The following ZBTB20 variants were observed in gnomAD, a reference collection of about 807,000 sequenced individuals.
ZBTB20 encodes the protein zinc finger and BTB domain containing 20, also known as zinc finger and BTB domain-containing protein 20.
A neutral mutation model predicts 56.9 loss-of-function variants in ZBTB20; 9 were observed. The observed-to-expected ratio is 0.16, with a 90% CI of 0.10 to 0.28. The LOEUF is 0.28. Among genes scored for constraint, ZBTB20 ranks in the 10% least tolerant of loss-of-function variants. The probability of loss-of-function intolerance (pLI) is 1.00; values close to 1 mark genes in which losing one functional copy is unlikely to be tolerated. For missense variants in ZBTB20, 655 were observed against 1,003.0 expected (o/e 0.65, Z 4.69); for synonymous variants, 417 against 420.7 (o/e 0.99, Z 0.11).
chr3:114,871,851 A>C (rs768986552), intron 4 of ZBTB20, among the ~76,000 whole-genome samples: 5 of 152,142 alleles, frequency 3.3e-5, no homozygotes, highest in Non-Finnish European at 5.9e-5. Flanking sequence ...TATTTTGGAA[A>C]GCTAAGATTA....
chr3:114,845,763 A>G (rs1560314755), intron 4 of ZBTB20, among the ~76,000 whole-genome samples: 8 of 152,188 alleles, frequency 5.3e-5, no homozygotes, highest in Admixed American at 4.6e-4. Context: ...ACCAATGTCA[A>G]TTGTAATTAT....
At chr3:114,547,361 C>A (rs1397513546) in intron 6 of ZBTB20, among the ~76,000 whole-genome samples, 1 of 152,002 alleles carries the variant, frequency 6.6e-6, no homozygotes, top group East Asian at 1.9e-4. Flanking sequence ...AGATAAGGGG[C>A]CACTTGGTCT....
intron 10 of ZBTB20, chr3:114,367,113 C>T (rs533925911): frequency 3.0e-4 from 45 of 152,362 alleles, no homozygotes; most frequent in Admixed American, 2.7e-3. Context: ...TTGCCCTCTT[C>T]GGGTATCCCG....
At chr3:115,078,647 TGA>T in intron 1 of ZBTB20, among the ~76,000 whole-genome samples, 1 of 124,924 alleles carries the variant, frequency 8.0e-6, no homozygotes, top group Non-Finnish European at 1.7e-5. Flanking sequence ...ATATGAAGAG[TGA>T]GAGAGAGAGT....
At chr3:115,117,281 A>G (rs938561018) in intron 1 of ZBTB20, among the ~76,000 whole-genome samples, 1 of 152,176 alleles carries the variant, frequency 6.6e-6, no homozygotes, top group African/African-American at 2.4e-5. Flanking sequence ...TTTGAACAAC[A>G]AAACTAGAGT....
chr3:114,678,748 G>A (rs763091495), intron 6 of ZBTB20, among the ~76,000 whole-genome samples: 15 of 152,064 alleles, frequency 9.9e-5, no homozygotes, highest in Admixed American at 7.2e-4. Flanking sequence ...CAGAAAGCAC[G>A]AGCATAAGAA....
intron 5 of ZBTB20, among the ~76,000 whole-genome samples, chr3:114,744,673 C>T (rs866805690): frequency 2.0e-5 from 3 of 152,054 alleles, no homozygotes; most frequent in African/African-American, 4.8e-5. Flanking sequence ...GGTGCTACAG[C>T]GATAGTCACC....
chr3:114,700,755 A>G (rs183379270), intron 5 of ZBTB20, among the ~76,000 whole-genome samples: 1 of 152,286 alleles, frequency 6.6e-6, no homozygotes, highest in East Asian at 1.9e-4. Flanking sequence ...AGGAGGTTAA[A>G]AGAGTCCTCT....
At chr3:115,049,921 A>T (rs1416088253) in intron 2 of ZBTB20, among the ~76,000 whole-genome samples, 1 of 152,082 alleles carries the variant, frequency 6.6e-6, no homozygotes, top group Non-Finnish European at 1.5e-5. Context: ...TATTTCTGGA[A>T]TTTTTTTCAC....
At chr3:114,962,280 C>A (rs570917933) in intron 3 of ZBTB20, among the ~76,000 whole-genome samples, 1 of 152,156 alleles carries the variant, frequency 6.6e-6, no homozygotes, top group Non-Finnish European at 1.5e-5. Context: ...TGGTTTAATA[C>A]AACAACCATA....
At chr3:114,550,571 C>T (rs1351837569) in intron 6 of ZBTB20, among the ~76,000 whole-genome samples, 1 of 152,154 alleles carries the variant, frequency 6.6e-6, no homozygotes, top group Non-Finnish European at 1.5e-5. Flanking sequence ...ATTGTTTTAA[C>T]TCTGTAAATA....
chr3:114,529,520 A>T (rs915711375), intron 6 of ZBTB20: 7 of 152,218 alleles, frequency 4.6e-5, no homozygotes, highest in African/African-American at 9.6e-5. Flanking sequence ...TAATTTATTT[A>T]CTGATATGTA....
chr3:114,912,002 T>A (rs1252651988), intron 3 of ZBTB20, among the ~76,000 whole-genome samples: 1 of 151,264 alleles, frequency 6.6e-6, no homozygotes, highest in Non-Finnish European at 1.5e-5. Context: ...CAAAGAGAGA[T>A]CTTGAAAGTA....
At position 115,084,029 on chromosome 3, in the gene ZBTB20, A is replaced by G. The variant is rs568097030; in HGVS notation, c.-702-12615T>C. Reference sequence around the variant, plus strand: ...ACTAAAACTTGCTAATATAAGCACTATTAGCTAATAAAGTGTTAAAAGTTT... The same window carrying G: ...ACTAAAACTTGCTAATATAAGCACTGTTAGCTAATAAAGTGTTAAAAGTTT... On this transcript the variant is annotated intron_variant, in intron 1 of 11. Transcript: ENST00000675478. Among the ~76,000 whole-genome samples, 5 of 152,034 alleles carry G rather than the reference A, an allele frequency of 3.3e-5. No individual in the cohort carries two copies. In the East Asian group the frequency reaches 9.6e-4, roughly 29 times the overall value.
intron 6 of ZBTB20, among the ~76,000 whole-genome samples, chr3:114,510,052 C>CACAA (rs2109791819): frequency 6.6e-6 from 1 of 152,200 alleles, no homozygotes; most frequent in Non-Finnish European, 1.5e-5. Flanking sequence ...TACCGTGAAA[C>CACAA]ACAATTACGA....
chr3:114,354,089 T>G (rs548159942), intron 10 of ZBTB20, among the ~76,000 whole-genome samples: 1 of 152,358 alleles, frequency 6.6e-6, no homozygotes, highest in South Asian at 2.1e-4. Context: ...TGATTTAGTG[T>G]GGCTTTTATG....
At chr3:114,700,569 C>T (rs561109324) in intron 5 of ZBTB20, among the ~76,000 whole-genome samples, 10 of 152,232 alleles carry the variant, frequency 6.6e-5, no homozygotes, top group African/African-American at 2.2e-4. Context: ...GGACACCTTT[C>T]GTTTCCCTTT....
chr3:114,918,969 G>T (rs2075850337), intron 3 of ZBTB20, among the ~76,000 whole-genome samples: 1 of 152,168 alleles, frequency 6.6e-6, no homozygotes, highest in African/African-American at 2.4e-5. Flanking sequence ...GGCTCAGACT[G>T]CCTTAAAGTT....
intron 2 of ZBTB20, among the ~76,000 whole-genome samples, chr3:115,017,318 G>T (rs113661435): frequency 2.0e-5 from 3 of 151,584 alleles, no homozygotes; most frequent in African/African-American, 7.2e-5. Context: ...GAATACAGCT[G>T]ACAAGGGAAG....
Sources: gnomAD v4.1 joint callset for allele counts (sites outside exome capture counted in the v4.1 genomes callset) on GRCh38, gnomAD v4.1.1 for gene constraint, MANE v1.5 for transcripts, NCBI Gene and HGNC (gene_info 2026-07-23, HGNC 2026-07-21) for gene names.